Variants in NT5DC3 observed in about 807,000 individuals in gnomAD.
The protein encoded by NT5DC3 is 5'-nucleotidase domain containing 3.
NT5DC3 carries 42 observed loss-of-function variants against 67.8 expected under a neutral mutation model. The ratio of observed to expected loss-of-function variants is 0.62; its 90% CI spans 0.48 to 0.80. The LOEUF is 0.80. NT5DC3 is among the 30% of genes least tolerant of loss of function. NT5DC3 has a pLI of 0.00. For synonymous variants in NT5DC3, 237 were observed against 255.6 expected, an observed-to-expected ratio of 0.93 and a Z score of 0.69; for missense variants, 570 against 696.4, an observed-to-expected ratio of 0.82 and a Z score of 2.04.
intron 1 of NT5DC3, among the ~76,000 whole-genome samples, chr12:103,834,230 G>A (rs1453961213): frequency 1.3e-5 from 2 of 151,800 alleles, no homozygotes; most frequent in African/African-American, 2.4e-5. Flanking sequence ...TTTGCTACAG[G>A]TTTAAACCAG....
chr12:103,789,059 AT>A, intron 9 of NT5DC3, 140 bp from the exon 10 acceptor site: 2 of 644,750 alleles, frequency 3.1e-6, no homozygotes, highest in South Asian at 3.6e-5. Context: ...CCACCATCAT[AT>A]TCCCTGGCCT....
At chr12:103,748,889 G>A in the NT5DC3 span, 4 of 1,492,794 alleles carry the variant, frequency 2.7e-6, no homozygotes, top group South Asian at 1.3e-5. Context: ...GTGCTGTGGT[G>A]CCCCATACCC....
At chr12:103,797,586 A>G (rs1276856148) in intron 5 of NT5DC3, among the ~76,000 whole-genome samples, 1 of 152,076 alleles carries the variant, frequency 6.6e-6, no homozygotes, top group Non-Finnish European at 1.5e-5. Context: ...TTTCCCCCAG[A>G]GTCTAATCAC....
chr12:103,840,923 C>G, intron 1 of NT5DC3, 26 bp downstream of exon 1: 1 of 1,308,818 alleles, frequency 7.6e-7, no homozygotes, highest in Non-Finnish European at 9.9e-7. Flanking sequence ...CCCCAGGCGC[C>G]GGGGCGGGGT....
At chr12:103,829,878 T>C (rs1887850100) in intron 1 of NT5DC3, among the ~76,000 whole-genome samples, 1 of 139,108 alleles carries the variant, frequency 7.2e-6, no homozygotes. Context: ...CTCTTAGCTT[T>C]TAATCAGAAA....
chr12:103,753,340 C>T, the NT5DC3 span: 6 of 1,614,238 alleles, frequency 3.7e-6, no homozygotes, highest in Non-Finnish European at 5.1e-6. Flanking sequence ...AACCAGCTCT[C>T]CTATGCCCAG....
chr12:103,824,354 G>A (rs990553435), intron 1 of NT5DC3, among the ~76,000 whole-genome samples: 4 of 152,208 alleles, frequency 2.6e-5, no homozygotes, highest in Admixed American at 1.3e-4. Context: ...GGCAGATGTT[G>A]AGACGAAACA....
chr12:103,760,691 G>A, the NT5DC3 span, among the ~76,000 whole-genome samples: 1 of 152,206 alleles, frequency 6.6e-6, no homozygotes, highest in Admixed American at 6.5e-5. Flanking sequence ...TTCAGGTTCT[G>A]AGACATGCAG....
chr12:103,793,622 G>T, intron 7 of NT5DC3, 110 bp from the exon 8 acceptor site: 1 of 740,430 alleles, frequency 1.4e-6, no homozygotes, highest in Non-Finnish European at 2.3e-6. Context: ...ACAGGAAAGG[G>T]AATAAAGGCC....
At chr12:103,840,434 C>T (rs893866720) in intron 1 of NT5DC3, among the ~76,000 whole-genome samples, 61 of 129,296 alleles carry the variant, frequency 4.7e-4, no homozygotes, top group South Asian at 8.0e-4. Context: ...CCATCCCATT[C>T]CATCCCATCC....
chr12:103,819,445 A>G (rs1887399807), intron 1 of NT5DC3, among the ~76,000 whole-genome samples: 1 of 152,252 alleles, frequency 6.6e-6, no homozygotes, highest in African/African-American at 2.4e-5. Context: ...AAGAGTGGGT[A>G]CCAATTTAGA....
At chr12:103,797,298 CG>C (rs1259149329) in intron 5 of NT5DC3, among the ~76,000 whole-genome samples, 1 of 151,950 alleles carries the variant, frequency 6.6e-6, no homozygotes, top group Non-Finnish European at 1.5e-5. Flanking sequence ...CGTGAAACCC[CG>C]TCTCTACTAA....
the NT5DC3 span, among the ~76,000 whole-genome samples, chr12:103,751,631 G>A: frequency 6.6e-6 from 1 of 152,162 alleles, no homozygotes; most frequent in Non-Finnish European, 1.5e-5. Context: ...ATGCACAGCT[G>A]GGACCAGCTG....
intron 9 of NT5DC3, among the ~76,000 whole-genome samples, chr12:103,789,883 C>G (rs1885965793): frequency 6.6e-6 from 1 of 152,166 alleles, no homozygotes; most frequent in African/African-American, 2.4e-5. Flanking sequence ...GGTACGCAAC[C>G]CAGAATTCTA....
At chr12:103,813,151 C>A (rs1312150291) in intron 2 of NT5DC3, among the ~76,000 whole-genome samples, 2 of 152,256 alleles carry the variant, frequency 1.3e-5, no homozygotes, top group African/African-American at 4.8e-5. Flanking sequence ...GAAAACACTG[C>A]AGCTGACCTG....
rs559144985 is a variant in NT5DC3, at chr12:103,799,752, T to C, written c.525-1075A>G. Among the ~76,000 whole-genome samples the C allele has an allele frequency of 4.6e-5, 7 of 151,124 alleles. No homozygotes were observed. In the South Asian group the frequency reaches 1.5e-3, roughly 32 times the overall value. On this transcript the variant is annotated intron_variant, in intron 4 of 13. Coordinates refer to ENST00000392876, the MANE Select transcript of NT5DC3 (RefSeq NM_001031701.3). ...GACACTGAAGGCCAGTTTCCTCATCTACCATCTGCCTGCCTCTGGAATCTG... is the reference window on the plus strand; with the variant it reads ...GACACTGAAGGCCAGTTTCCTCATCCACCATCTGCCTGCCTCTGGAATCTG...
At chr12:103,784,485 A>G (rs1467382112) in intron 12 of NT5DC3, among the ~76,000 whole-genome samples, 1 of 152,196 alleles carries the variant, frequency 6.6e-6, no homozygotes, top group East Asian at 1.9e-4. Flanking sequence ...CAGGCAAGGC[A>G]ATTCCCTGCC....
At chr12:103,816,377 A>G (rs536885296) in intron 1 of NT5DC3, among the ~76,000 whole-genome samples, 1 of 152,232 alleles carries the variant, frequency 6.6e-6, no homozygotes, top group Non-Finnish European at 1.5e-5. Context: ...AGGTATGTCC[A>G]ACCTGTACTC....
intron 1 of NT5DC3, among the ~76,000 whole-genome samples, chr12:103,832,204 C>T (rs1043592807): frequency 3.3e-5 from 5 of 152,030 alleles, no homozygotes; most frequent in Admixed American, 2.0e-4. Flanking sequence ...GGTTTTTAGA[C>T]GATCTAGTCT....
Sources: gnomAD v4.1 joint callset for allele counts (sites outside exome capture counted in the v4.1 genomes callset) on GRCh38, gnomAD v4.1.1 for gene constraint, MANE v1.5 for transcripts, NCBI Gene and HGNC (gene_info 2026-07-23, HGNC 2026-07-21) for gene names.